LEPROTL1: variants seen among roughly 807,000 people sequenced by gnomAD.
The protein encoded by LEPROTL1 is leptin receptor overlapping transcript-like 1.
A neutral mutation model predicts 15.4 loss-of-function variants in LEPROTL1; 6 were observed. That is an observed-to-expected ratio of 0.39 (90% CI 0.21 to 0.77). LEPROTL1 has a LOEUF of 0.77. Among genes scored for constraint, LEPROTL1 ranks in the 30% least tolerant of loss-of-function variants. The pLI is 0.41. For synonymous variants in LEPROTL1, 56 were observed against 52.6 expected (o/e 1.06, Z -0.28); for missense variants, 128 against 158.1 (o/e 0.81, Z 1.02).
At chr8:30,109,809 C>T (rs1212312153), downstream of LEPROTL1, among the ~76,000 whole-genome samples, 2 of 152,080 alleles carry the variant, frequency 1.3e-5, no homozygotes, top group Non-Finnish European at 2.9e-5. Flanking sequence ...CTACCTCTTA[C>T]ACAAATGAAA....
chr8:30,096,468 G>A, intron 1 of LEPROTL1: 2 of 872,156 alleles, frequency 2.3e-6, no homozygotes, highest in Non-Finnish European at 2.8e-6. Context: ...CTTCTCTAAG[G>A]AAAACTTAAT....
downstream of LEPROTL1, among the ~76,000 whole-genome samples, chr8:30,110,852 C>T (rs1563215572): frequency 6.6e-6 from 1 of 152,130 alleles, no homozygotes; most frequent in Non-Finnish European, 1.5e-5. Flanking sequence ...TGAGTATTTC[C>T]ATATCTGTTT....
intron 3 of LEPROTL1, among the ~76,000 whole-genome samples, chr8:30,119,355 G>A (rs1802792649): frequency 6.6e-6 from 1 of 152,186 alleles, no homozygotes; most frequent in South Asian, 2.1e-4. Flanking sequence ...CGTAGACACA[G>A]TAACAGTCTG....
intron 1 of LEPROTL1, among the ~76,000 whole-genome samples, chr8:30,101,560 C>G (rs1802466242): frequency 6.6e-6 from 1 of 150,794 alleles, no homozygotes; most frequent in Admixed American, 6.7e-5. Flanking sequence ...CCAGCTTACT[C>G]AGGAGGCTGA....
rs1240577883 is a variant in LEPROTL1, at chr8:30,132,064, G to T, written c.280-311G>T. 4 of 1,551,784 alleles carry T rather than the reference G, an allele frequency of 2.6e-6. No homozygotes were observed. In the African/African-American group the frequency reaches 5.5e-5, roughly 21 times the overall value. ...AGAGGAGAGACTCCTGACCTCCACA[G>T]CCAGCATGATGTAGGCAATGATCAA... On this transcript the variant is annotated intron_variant, in intron 3 of 4. Coordinates refer to the LEPROTL1 transcript ENST00000442880.
intron 3 of LEPROTL1, among the ~76,000 whole-genome samples, chr8:30,128,881 A>G (rs183954113): frequency 3.0e-3 from 417 of 137,664 alleles, no homozygotes; most frequent in Middle Eastern, 7.5e-3. Context: ...CCCCTATAAA[A>G]AGCACTCTGT....
chr8:30,101,427 G>C (rs542963254), intron 1 of LEPROTL1, among the ~76,000 whole-genome samples: 1 of 152,208 alleles, frequency 6.6e-6, no homozygotes, highest in East Asian at 1.9e-4. Flanking sequence ...CAGCACTTTG[G>C]GAGGCCAAGG....
intron 3 of LEPROTL1, among the ~76,000 whole-genome samples, chr8:30,114,942 C>T (rs139969838): frequency 6.6e-6 from 1 of 152,272 alleles, no homozygotes; most frequent in East Asian, 1.9e-4. Context: ...CACACAGCCA[C>T]ACCTGATCTC....
At chr8:30,109,567 T>C (rs370362494), downstream of LEPROTL1, among the ~76,000 whole-genome samples, 53 of 152,318 alleles carry the variant, frequency 3.5e-4, no homozygotes, top group African/African-American at 1.2e-3. Context: ...TCCCCCCCAT[T>C]GTAAGTGGCT....
chr8:30,100,330 A>T (rs1165201850), intron 1 of LEPROTL1, among the ~76,000 whole-genome samples: 1 of 152,250 alleles, frequency 6.6e-6, no homozygotes, highest in Non-Finnish European at 1.5e-5. Flanking sequence ...AAATCTTTCG[A>T]ATTTTAACTT....
intron 3 of LEPROTL1, among the ~76,000 whole-genome samples, chr8:30,105,293 G>C (rs1164687812): frequency 1.3e-5 from 2 of 152,150 alleles, no homozygotes; most frequent in Non-Finnish European, 2.9e-5. Context: ...GTACATGGGT[G>C]TGTTTCCATC....
downstream of LEPROTL1, among the ~76,000 whole-genome samples, chr8:30,110,504 G>T (rs554750619): frequency 6.6e-6 from 1 of 151,972 alleles, no homozygotes; most frequent in East Asian, 1.9e-4. Context: ...GTTGGGGGGC[G>T]GTGCGGATCA....
chr8:30,132,814 G>C, intron 4 of LEPROTL1: 2 of 1,551,788 alleles, frequency 1.3e-6, no homozygotes, highest in Non-Finnish European at 1.7e-6. Flanking sequence ...GAAGCCTCCA[G>C]ATGCTGCCTT....
At position 30,095,450 on chromosome 8, in the gene LEPROTL1, C is replaced by T. The variant is rs916022441; in HGVS notation, c.-63C>T. 5 of 1,454,660 alleles carry T rather than the reference C, an allele frequency of 3.4e-6. No individual in the cohort carries two copies. Among genetic ancestry groups the T allele is most frequent in the African/African-American group, 3.0e-5 (2 of 67,734 alleles). 90.1% of individuals were successfully genotyped at this position (1,454,660 alleles called of 1,614,324 possible). A position where few individuals can be genotyped will look rare whatever the true frequency, so the allele number is the denominator to read the frequency against. On this transcript the variant is annotated 5_prime_UTR_variant, in exon 1 of 4. Transcript: ENST00000321250. ...CTGGCCGCCGTAGCGCGTCTTGGGT[C>T]TCCCGGCTGCCGCTGCTGCCGCCGC...
At position 30,105,866 on chromosome 8, in the gene LEPROTL1, G is replaced by C; in HGVS notation, c.*4G>C. 1 of 1,527,508 alleles carries C rather than the reference G, an allele frequency of 6.5e-7. No homozygotes were observed. The highest frequency in any genetic ancestry group is 1.4e-5 in the African/African-American group (1 of 70,084). The allele number at this position is 1,527,508 out of a possible 1,614,324, so 94.6% of individuals were successfully genotyped here. A position where few individuals can be genotyped will look rare whatever the true frequency, so the allele number is the denominator to read the frequency against. Reference sequence around the variant, plus strand: ...CTTCAGCTGGCAGCAGTGGTGAAAAGAAATTACTGAACTATTGTCAAATGG... The same window carrying C: ...CTTCAGCTGGCAGCAGTGGTGAAAACAAATTACTGAACTATTGTCAAATGG... On this transcript the variant is annotated 3_prime_UTR_variant, in exon 4 of 4. Coordinates refer to ENST00000321250, the MANE Select transcript of LEPROTL1 (RefSeq NM_015344.3).
At chr8:30,129,758 A>ACACACAC (rs1380089662) in intron 3 of LEPROTL1, among the ~76,000 whole-genome samples, 3 of 133,844 alleles carry the variant, frequency 2.2e-5, no homozygotes, top group East Asian at 4.2e-4. Flanking sequence ...CACACACACA[A>ACACACAC]AGAACTACCT....
intron 4 of LEPROTL1, chr8:30,132,777 A>G (rs1803054887): frequency 1.3e-6 from 2 of 1,551,624 alleles, no homozygotes; most frequent in South Asian, 2.4e-5. Flanking sequence ...CCTTACACAC[A>G]TGCTCAGACA....
At chr8:30,137,100 A>T (rs1803164522) in intron 4 of LEPROTL1, among the ~76,000 whole-genome samples, 1 of 152,194 alleles carries the variant, frequency 6.6e-6, no homozygotes, top group African/African-American at 2.4e-5. Flanking sequence ...CGCCTGGAGC[A>T]TCACAGCCTC....
rs1213975391 is a variant in LEPROTL1, at chr8:30,107,064, A to C, written c.*1202A>C. On this transcript the variant is annotated 3_prime_UTR_variant, in exon 4 of 4. Coordinates refer to ENST00000321250, the MANE Select transcript of LEPROTL1 (RefSeq NM_015344.3). ...TGGTAATAGTAGTTCTTATTCTCTA[A>C]GGTTATATCATATGTAATTTAAAAG... The C allele has an allele frequency of 1.0e-6, 1 of 974,308 alleles. No individual in the cohort carries two copies. The highest frequency in any genetic ancestry group is 1.2e-6 in the Non-Finnish European group (1 of 819,996). The allele number at this position is 974,308 out of a possible 1,614,324, so 60.4% of individuals were successfully genotyped here.
Sources: gnomAD v4.1 joint callset for allele counts (sites outside exome capture counted in the v4.1 genomes callset) on GRCh38, gnomAD v4.1.1 for gene constraint, MANE v1.5 for transcripts, NCBI Gene and HGNC (gene_info 2026-07-23, HGNC 2026-07-21) for gene names.